The following FBXL17 variants were observed in gnomAD, a reference collection of about 807,000 sequenced individuals.
FBXL17 encodes the protein F-box/LRR-repeat protein 17.
In FBXL17, 22 loss-of-function variants were observed where a neutral mutation model predicts 66.2. The ratio of observed to expected loss-of-function variants is 0.33; its 90% CI spans 0.24 to 0.47. FBXL17 has a LOEUF of 0.47. FBXL17 is among the 20% of genes least tolerant of loss of function. The pLI is 1.00. For missense variants in FBXL17, 878 were observed against 948.2 expected, an observed-to-expected ratio of 0.93 and a Z score of 0.97; for synonymous variants, 474 against 400.5, an observed-to-expected ratio of 1.18 and a Z score of -2.19.
chr5:108,122,000 G>A (rs1196301032), intron 6 of FBXL17, among the ~76,000 whole-genome samples: 1 of 151,756 alleles, frequency 6.6e-6, no homozygotes, highest in Non-Finnish European at 1.5e-5. Context: ...TCTAATTCTA[G>A]GCACTAGAAA....
chr5:108,002,364 C>G (rs1303777756), intron 7 of FBXL17, among the ~76,000 whole-genome samples: 1 of 151,932 alleles, frequency 6.6e-6, no homozygotes, highest in East Asian at 1.9e-4. Flanking sequence ...AACTCCTTCT[C>G]TTTCAAAAAC....
intron 8 of FBXL17, among the ~76,000 whole-genome samples, chr5:107,872,549 A>G (rs954265182): frequency 3.2e-4 from 48 of 152,196 alleles, no homozygotes; most frequent in Admixed American, 4.6e-4. Context: ...GAGAAACACA[A>G]TCCAATCTAT....
At chr5:108,363,789 A>G (rs1412755807) in intron 3 of FBXL17, among the ~76,000 whole-genome samples, 1 of 152,004 alleles carries the variant, frequency 6.6e-6, no homozygotes, top group Non-Finnish European at 1.5e-5. Flanking sequence ...CTTAATACAT[A>G]CACCTTTTTA....
intron 5 of FBXL17, among the ~76,000 whole-genome samples, chr5:108,216,801 G>A (rs552492871): frequency 2.6e-5 from 4 of 152,204 alleles, no homozygotes; most frequent in East Asian, 1.9e-4. Context: ...GAACTAGCAC[G>A]GGGTGTTATA....
At chr5:107,920,730 G>A (rs1475932200) in intron 7 of FBXL17, among the ~76,000 whole-genome samples, 1 of 152,110 alleles carries the variant, frequency 6.6e-6, no homozygotes, top group Non-Finnish European at 1.5e-5. Flanking sequence ...TTACATCAAT[G>A]TCAAAGGCAG....
chr5:108,324,219 AC>A (rs59819702), intron 4 of FBXL17, among the ~76,000 whole-genome samples: 3,412 of 152,092 alleles, frequency 0.022, 131 homozygotes, highest in African/African-American at 0.078. Flanking sequence ...TACACAAAGA[AC>A]TCCTACAACT....
chr5:107,877,723 C>T (rs2112496147), intron 8 of FBXL17, among the ~76,000 whole-genome samples: 1 of 152,064 alleles, frequency 6.6e-6, no homozygotes, highest in Non-Finnish European at 1.5e-5. Flanking sequence ...TGCTGAGGTT[C>T]CCTGCCTCCT....
At chr5:108,201,708 C>T (rs1216644069) in intron 5 of FBXL17, among the ~76,000 whole-genome samples, 3 of 151,860 alleles carry the variant, frequency 2.0e-5, no homozygotes, top group Admixed American at 6.6e-5. Context: ...CTAATTCGGG[C>T]AGTCTGTTCT....
chr5:108,368,814 G>A lies in FBXL17; in HGVS notation c.994-861C>T, dbSNP rs536777460. On this transcript the variant is annotated intron_variant, in intron 1 of 8. Coordinates refer to ENST00000542267, the MANE Select transcript of FBXL17 (RefSeq NM_001163315.3). ...AAGTATGAAAGAAAAATAAGTCTCA[G>A]GACCCCAAAATCACTAAGCCAAAGA... 2.0e-5 allele frequency among the ~76,000 whole-genome samples: 3 copies of A among 151,696 alleles called. No individual in the cohort carries two copies. The South Asian group carries it at 6.2e-4, about 32-fold the overall frequency.
intron 6 of FBXL17, among the ~76,000 whole-genome samples, chr5:108,108,577 T>G (rs527515295): frequency 1.3e-5 from 2 of 152,202 alleles, no homozygotes; most frequent in Non-Finnish European, 2.9e-5. Context: ...AATAAAGACA[T>G]GGGTAACAAT....
At chr5:108,075,344 C>A (rs1203054225) in intron 6 of FBXL17, among the ~76,000 whole-genome samples, 1 of 152,192 alleles carries the variant, frequency 6.6e-6, no homozygotes, top group Non-Finnish European at 1.5e-5. Context: ...TAAGCTTAAA[C>A]TTTCCATCAC....
intron 7 of FBXL17, among the ~76,000 whole-genome samples, chr5:107,942,187 A>C (rs1425655899): frequency 6.6e-6 from 1 of 152,150 alleles, no homozygotes; most frequent in African/African-American, 2.4e-5. Flanking sequence ...AGTGCCTAAC[A>C]TGCCCGCACT....
At chr5:107,983,385 G>A (rs1240855251) in intron 7 of FBXL17, among the ~76,000 whole-genome samples, 2 of 151,844 alleles carry the variant, frequency 1.3e-5, no homozygotes, top group Non-Finnish European at 2.9e-5. Flanking sequence ...GTAGAGACAA[G>A]GTCTTGCTAT....
At chr5:107,869,461 CAAATTTGCATGT>C (rs2112485452) in intron 8 of FBXL17, among the ~76,000 whole-genome samples, 1 of 152,126 alleles carries the variant, frequency 6.6e-6, no homozygotes, top group Non-Finnish European at 1.5e-5. Flanking sequence ...AGTAACACCC[CAAATTTGCATGT>C]AAATGAGGTG....
At chr5:107,903,257 C>T (rs188242087) in intron 7 of FBXL17, among the ~76,000 whole-genome samples, 2 of 152,156 alleles carry the variant, frequency 1.3e-5, no homozygotes, top group African/African-American at 4.8e-5. Context: ...ACTTGATACA[C>T]CTTTAAAATA....
chr5:108,357,182 G>C (rs1397325957), intron 3 of FBXL17, among the ~76,000 whole-genome samples: 3 of 151,898 alleles, frequency 2.0e-5, no homozygotes, highest in African/African-American at 7.2e-5. Context: ...TAAAAACTGG[G>C]AACAGCTATA....
chr5:107,976,886 G>C (rs1051883715), intron 7 of FBXL17, among the ~76,000 whole-genome samples: 3 of 152,132 alleles, frequency 2.0e-5, no homozygotes, highest in African/African-American at 7.2e-5. Flanking sequence ...AGAATTATAA[G>C]TATTAGAATA....
intron 4 of FBXL17, among the ~76,000 whole-genome samples, chr5:108,232,974 C>T (rs928470497): frequency 6.6e-6 from 1 of 150,852 alleles, no homozygotes; most frequent in Non-Finnish European, 1.5e-5. Context: ...ACAAATAATG[C>T]TGCTGTGATC....
intron 6 of FBXL17, among the ~76,000 whole-genome samples, chr5:108,066,135 T>C (rs1385474732): frequency 6.6e-6 from 1 of 152,142 alleles, no homozygotes; most frequent in Non-Finnish European, 1.5e-5. Flanking sequence ...GTCAGAATCC[T>C]AACCCAAAAT....
Sources: allele counts gnomAD v4.1 joint callset (sites outside exome capture counted in the v4.1 genomes callset), GRCh38; gene constraint gnomAD v4.1.1; transcripts MANE v1.5; gene names NCBI Gene and HGNC (gene_info 2026-07-23, HGNC 2026-07-21).